Variants in ITGA8 observed in about 807,000 individuals in gnomAD.
ITGA8 encodes integrin subunit alpha 8.
A neutral mutation model predicts 142.3 loss-of-function variants in ITGA8; 91 were observed. The ratio of observed to expected loss-of-function variants is 0.64; its 90% CI spans 0.54 to 0.76. ITGA8 has a LOEUF of 0.76. Ranked by LOEUF, ITGA8 falls within the 30% of genes least tolerant of loss-of-function variation. The pLI is 0.00. For synonymous variants in ITGA8, 505 were observed against 485.2 expected (o/e 1.04, Z -0.54); for missense variants, 1,406 against 1,327.7 (o/e 1.06, Z -0.92).
intron 8 of ITGA8, among the ~76,000 whole-genome samples, chr10:15,667,769 G>A (rs1471464783): frequency 6.0e-5 from 9 of 149,852 alleles, no homozygotes; most frequent in Admixed American, 2.7e-4. Context: ...CCTTCATTTC[G>A]TTGTGTACCC....
chr10:15,597,992 T>C (rs1035521928), intron 20 of ITGA8, among the ~76,000 whole-genome samples: 1 of 152,182 alleles, frequency 6.6e-6, no homozygotes, highest in Non-Finnish European at 1.5e-5. Context: ...TCTGGAACAG[T>C]TGCCCTTGGC....
In ITGA8 at chr10:15,522,182, G is replaced by A. The variant is rs373793572; in HGVS notation, c.2983-2770C>T. ...TTTGATCACTATACGTTATGTGCAC[G>A]TGTGTATCAAAATATCACATGTACT... On this transcript the variant is annotated intron_variant, in intron 28 of 29. Coordinates refer to ENST00000378076, the MANE Select transcript of ITGA8 (RefSeq NM_003638.3). Among the ~76,000 whole-genome samples the A allele has an allele frequency of 5.9e-5, 9 of 152,260 alleles. No homozygotes were observed. In the East Asian group the frequency reaches 1.3e-3, roughly 23 times the overall value.
chr10:15,701,466 T>C (rs944954409), intron 2 of ITGA8, among the ~76,000 whole-genome samples: 1 of 152,048 alleles, frequency 6.6e-6, no homozygotes, highest in Non-Finnish European at 1.5e-5. Flanking sequence ...GCTATCTCTC[T>C]GAAATTGGCA....
Position 15,526,410 on chromosome 10 carries a change from A to G in ITGA8, c.2982+4640T>C, listed in dbSNP as rs557067239. Among the ~76,000 whole-genome samples, 260 of 152,254 alleles carry G rather than the reference A, an allele frequency of 1.7e-3. 8 individuals carry two copies. The South Asian group carries it at 0.045, about 26-fold the overall frequency. On this transcript the variant is annotated intron_variant, in intron 28 of 29. Transcript: ENST00000378076. ...AGGCTGGTCTCAAACTCCCGACCTC[A>G]GGTGATCCACCCACCTCGGCCTCCC...
chr10:15,664,134 C>T (rs12415967), intron 8 of ITGA8, among the ~76,000 whole-genome samples: 14,909 of 152,164 alleles, frequency 0.098, 925 homozygotes, highest in East Asian at 0.29. Flanking sequence ...ATACTATTAG[C>T]TCATCATCCT....
chr10:15,663,023 A>G (rs138291367), intron 8 of ITGA8, among the ~76,000 whole-genome samples: 1 of 152,348 alleles, frequency 6.6e-6, no homozygotes, highest in East Asian at 1.9e-4. Flanking sequence ...TAAATATTGT[A>G]TGTAATTTTT....
At chr10:15,713,344 C>CT (rs1478942436) in intron 2 of ITGA8, among the ~76,000 whole-genome samples, 2 of 152,156 alleles carry the variant, frequency 1.3e-5, no homozygotes, top group East Asian at 3.9e-4. Flanking sequence ...GCACACACTG[C>CT]TTCTTTTTTT....
In ITGA8 at chr10:15,517,062, A is replaced by G. The variant is rs564278369; in HGVS notation, c.*96T>C. The G allele has an allele frequency of 4.8e-4, 379 of 784,742 alleles. 1 individual carries two copies. The highest frequency in any genetic ancestry group is 9.3e-4 in the African/African-American group (52 of 56,004). The allele number at this position is 784,742 out of a possible 1,614,324, so 48.6% of individuals were successfully genotyped here. ...CCCCTCCATTTCCTGGGTCACTGTC[A>G]GGTATCAGAAAGCTTTGATTTTTAA... On this transcript the variant is annotated 3_prime_UTR_variant, in exon 30 of 30. Coordinates refer to ENST00000378076, the MANE Select transcript of ITGA8 (RefSeq NM_003638.3).
chr10:15,640,221 C>A (rs1202460298), intron 13 of ITGA8, among the ~76,000 whole-genome samples: 2 of 152,226 alleles, frequency 1.3e-5, no homozygotes, highest in Non-Finnish European at 2.9e-5. Flanking sequence ...CCCTCTACGG[C>A]CCGTGTTCCA....
At chr10:15,665,192 G>T (rs143410224) in intron 8 of ITGA8, among the ~76,000 whole-genome samples, 26,399 of 152,054 alleles carry the variant, frequency 0.17, 2,951 homozygotes, top group Admixed American at 0.3. Flanking sequence ...TTCCTGACTT[G>T]TTAATGATCG....
chr10:15,566,828 A>G (rs1006008259), intron 25 of ITGA8, among the ~76,000 whole-genome samples: 1 of 90,370 alleles, frequency 1.1e-5, no homozygotes, highest in East Asian at 3.5e-4. Flanking sequence ...AGAAAAAAAA[A>G]GAGGCCGGGT....
chr10:15,606,315 G>C lies in ITGA8; in HGVS notation c.1872C>G (p.Asn624Lys). The change falls in exon 18 of 30, where the codon AAC (asparagine) becomes AAG (lysine). Residue 624 changes from asparagine (N) to lysine (K), a missense_variant. Transcript: ENST00000378076. ...KEGLEVKPIL[N>K]YYRENIVSEQ... The stretch of plus-strand genomic sequence containing the variant: ...CACTAACAATGTTTTCTCTGTAGTA[G>C]TTCAATATTGGTTTCACTTCCAGGC... 3 of 1,611,960 alleles carry C rather than the reference G, an allele frequency of 1.9e-6. No individual in the cohort carries two copies. Among genetic ancestry groups the C allele is most frequent in the South Asian group, 1.1e-5 (1 of 90,932 alleles).
intron 27 of ITGA8, among the ~76,000 whole-genome samples, chr10:15,534,717 G>T (rs1318399033): frequency 6.6e-6 from 1 of 152,230 alleles, no homozygotes; most frequent in East Asian, 1.9e-4. Flanking sequence ...AGGGGATATT[G>T]ATAAGCTCTC....
intron 26 of ITGA8, among the ~76,000 whole-genome samples, chr10:15,556,370 G>T (rs1833889814): frequency 6.6e-6 from 1 of 151,876 alleles, no homozygotes; most frequent in Non-Finnish European, 1.5e-5. Context: ...GATAACCCTG[G>T]ACTTGTCACT....
At chr10:15,612,422 C>T (rs1304835676) in intron 15 of ITGA8, among the ~76,000 whole-genome samples, 1 of 152,178 alleles carries the variant, frequency 6.6e-6, no homozygotes, top group Non-Finnish European at 1.5e-5. Flanking sequence ...CTGAGTTAGA[C>T]CACGTCTCCT....
Position 15,535,945 on chromosome 10 carries a change from C to G in ITGA8, c.2881-4794G>C, listed in dbSNP as rs975524096. On this transcript the variant is annotated intron_variant, in intron 27 of 29. Coordinates refer to ENST00000378076, the MANE Select transcript of ITGA8 (RefSeq NM_003638.3). The stretch of plus-strand genomic sequence containing the variant: ...TGAAGCCAACCAGACCACAAACCCA[C>G]CGGGAGGAACGAATAACTCCGCGCT... Among the ~76,000 whole-genome samples the G allele has an allele frequency of 5.3e-5, 8 of 152,198 alleles. No homozygotes were observed. The South Asian group carries it at 6.3e-4, about 12-fold the overall frequency.
Position 15,607,816 on chromosome 10 carries a change from A to C in ITGA8, c.1625T>G (p.Val542Gly), listed in dbSNP as rs1833223886. 6.2e-7 allele frequency: 1 copy of C among 1,612,128 alleles called. No individual in the cohort carries two copies. Among genetic ancestry groups the C allele is most frequent in the Non-Finnish European group, 8.5e-7 (1 of 1,179,134 alleles). The change falls in exon 17 of 30, where the codon GTG becomes GGG. Residue 542 changes from valine (V) to glycine (G), a missense_variant. Transcript: ENST00000378076. The part of the protein sequence containing the change: ...IANTIVLMAE[V>G]QLDSLKQKGA... Reference sequence around the variant, plus strand: ...TTTCTGTTTCAGGGAATCTAATTGCACCTCTGCCATCAAGACTAAAGGACA... The same window carrying C: ...TTTCTGTTTCAGGGAATCTAATTGCCCCTCTGCCATCAAGACTAAAGGACA...
At chr10:15,561,363 T>G (rs1833978428) in intron 25 of ITGA8, among the ~76,000 whole-genome samples, 3 of 151,770 alleles carry the variant, frequency 2.0e-5, no homozygotes, top group South Asian at 4.1e-4. Flanking sequence ...TTCTTTATGT[T>G]TTTACATGTT....
chr10:15,653,450 G>A (rs994391377), intron 11 of ITGA8, among the ~76,000 whole-genome samples: 2 of 152,122 alleles, frequency 1.3e-5, no homozygotes, highest in East Asian at 3.8e-4. Flanking sequence ...CTTCCACACC[G>A]TCACATCAGA....
Sources: gnomAD v4.1 joint callset for allele counts (sites outside exome capture counted in the v4.1 genomes callset) on GRCh38, gnomAD v4.1.1 for gene constraint, MANE v1.5 for transcripts, NCBI Gene and HGNC (gene_info 2026-07-23, HGNC 2026-07-21) for gene names.